The following SIPA1L1 variants were observed in gnomAD, a reference collection of about 807,000 sequenced individuals.
The protein encoded by SIPA1L1 is signal induced proliferation associated 1 like 1.
A neutral mutation model predicts 162.7 loss-of-function variants in SIPA1L1; 26 were observed. The ratio of observed to expected loss-of-function variants is 0.16; its 90% CI spans 0.12 to 0.22. SIPA1L1 has a LOEUF of 0.22. SIPA1L1 is among the 10% of genes least tolerant of loss of function. The pLI, the probability that SIPA1L1 is intolerant of heterozygous loss-of-function variation, is 1.00. For missense variants in SIPA1L1, 1,874 were observed against 2,241.0 expected (o/e 0.84, Z 3.31); for synonymous variants, 829 against 837.4 (o/e 0.99, Z 0.17).
intron 10 of SIPA1L1, among the ~76,000 whole-genome samples, 157 bp from the exon 11 acceptor site, chr14:71,670,962 T>C (rs145269672): frequency 2.0e-4 from 30 of 152,302 alleles, no homozygotes; most frequent in African/African-American, 7.0e-4. Flanking sequence ...TGAAAAAATA[T>C]ACTCGTATTA....
chr14:71,712,589 C>G (rs1293480917), intron 17 of SIPA1L1, among the ~76,000 whole-genome samples: 2 of 151,992 alleles, frequency 1.3e-5, no homozygotes, highest in East Asian at 3.9e-4. Context: ...TAAGGACATT[C>G]TTAAATTTAA....
intron 2 of SIPA1L1, among the ~76,000 whole-genome samples, chr14:71,478,424 C>T (rs2048058052): frequency 6.6e-6 from 1 of 151,782 alleles, no homozygotes; most frequent in Non-Finnish European, 1.5e-5. Context: ...GGGTGATTTC[C>T]AAGAACTCTT....
chr14:71,322,703 G>C (rs2033218315), intron 2 of SIPA1L1, among the ~76,000 whole-genome samples: 1 of 152,214 alleles, frequency 6.6e-6, no homozygotes, highest in Admixed American at 6.5e-5. Flanking sequence ...AGATTTGGGG[G>C]ATGAATGGCT....
At chr14:71,428,261 T>C (rs1226447071) in intron 2 of SIPA1L1, among the ~76,000 whole-genome samples, 1 of 152,064 alleles carries the variant, frequency 6.6e-6, no homozygotes, top group East Asian at 1.9e-4. Context: ...CCTCCCAAAA[T>C]GCTGGGATTA....
At chr14:71,439,206 A>G (rs979980061) in intron 2 of SIPA1L1, among the ~76,000 whole-genome samples, 9 of 152,142 alleles carry the variant, frequency 5.9e-5, no homozygotes, top group African/African-American at 9.7e-5. Flanking sequence ...TTGAACTCAA[A>G]ATTAAACCCA....
chr14:71,467,658 G>C (rs576013727), intron 2 of SIPA1L1, among the ~76,000 whole-genome samples: 2 of 152,098 alleles, frequency 1.3e-5, no homozygotes, highest in African/African-American at 4.8e-5. Flanking sequence ...AGTATAATGA[G>C]TCATTTTGAG....
Position 71,733,770 on chromosome 14 carries a change from T to A in SIPA1L1, c.4966T>A (p.Leu1656Met). The part of the protein sequence containing the change: ...LMPLPDTAAD[L>M]DWSNLVDAAK... ...GCCCCTGCCTGACACTGCTGCAGAC[T>A]TGGATTGGTCCAACCTGGTAGATGC... The change falls in exon 21 of 24, where the codon TTG (leucine) becomes ATG (methionine). Residue 1656 changes from leucine (L) to methionine (M), a missense_variant. Leu to Met is a conservative substitution (Grantham distance 15). Around this residue, in one of 5 missense-constraint regions of SIPA1L1, gnomAD observed 936 missense variants for 1,051.9 expected, o/e 0.89. Transcript: ENST00000381232. 6.2e-7 allele frequency: 1 copy of A among 1,613,368 alleles called. No individual in the cohort carries two copies. Among genetic ancestry groups the A allele is most frequent in the Non-Finnish European group, 8.5e-7 (1 of 1,180,018 alleles).
chr14:71,403,675 T>G (rs1245384253), intron 2 of SIPA1L1, among the ~76,000 whole-genome samples: 2 of 152,166 alleles, frequency 1.3e-5, no homozygotes, highest in African/African-American at 4.8e-5. Context: ...GCTATCCTTT[T>G]TATCAATTTA....
intron 2 of SIPA1L1, among the ~76,000 whole-genome samples, chr14:71,430,090 G>A (rs1422041975): frequency 6.6e-6 from 1 of 152,240 alleles, no homozygotes; most frequent in South Asian, 2.1e-4. Context: ...GGGATGTGTT[G>A]TATATTCAGC....
chr14:71,572,478 G>C (rs2032261800), intron 4 of SIPA1L1, among the ~76,000 whole-genome samples: 1 of 152,188 alleles, frequency 6.6e-6, no homozygotes, highest in Non-Finnish European at 1.5e-5. Flanking sequence ...GTCCATCCAG[G>C]TGAGGGAGTG....
intron 4 of SIPA1L1, among the ~76,000 whole-genome samples, chr14:71,558,989 G>A (rs1377760318): frequency 1.3e-5 from 2 of 152,060 alleles, no homozygotes; most frequent in African/African-American, 4.8e-5. Context: ...TGGCCTTGCC[G>A]AAGCATTTTG....
chr14:71,490,268 T>C (rs1184459632), intron 2 of SIPA1L1, among the ~76,000 whole-genome samples: 4 of 152,338 alleles, frequency 2.6e-5, no homozygotes, highest in Middle Eastern at 6.8e-3. Flanking sequence ...AGCATTTATT[T>C]TGATGTAGGA....
At chr14:71,464,893 T>C (rs2046877887) in intron 2 of SIPA1L1, among the ~76,000 whole-genome samples, 1 of 152,138 alleles carries the variant, frequency 6.6e-6, no homozygotes, top group Non-Finnish European at 1.5e-5. Flanking sequence ...GCCGGGACTT[T>C]AGTTATAGGT....
chr14:71,433,605 C>G (rs1162422562), intron 2 of SIPA1L1, among the ~76,000 whole-genome samples: 2 of 152,208 alleles, frequency 1.3e-5, no homozygotes, highest in African/African-American at 2.4e-5. Flanking sequence ...GCGTAAGCCA[C>G]TGCACCTAGT....
At chr14:71,707,537 A>G (rs548026105) in intron 16 of SIPA1L1, among the ~76,000 whole-genome samples, 33 of 152,294 alleles carry the variant, frequency 2.2e-4, no homozygotes, top group African/African-American at 6.0e-4. Flanking sequence ...TGGACATTTC[A>G]TACAAATGAA....
chr14:71,640,566 A>T (rs1324329912), intron 7 of SIPA1L1, among the ~76,000 whole-genome samples: 1 of 152,230 alleles, frequency 6.6e-6, no homozygotes, highest in Non-Finnish European at 1.5e-5. Flanking sequence ...GGAGGTTACA[A>T]ATTGAATTCA....
intron 2 of SIPA1L1, among the ~76,000 whole-genome samples, chr14:71,440,067 G>A (rs973708781): frequency 3.8e-4 from 58 of 152,158 alleles, no homozygotes; most frequent in Non-Finnish European, 7.4e-5. Context: ...GTCTTACTGT[G>A]TTGCCTAAGC....
chr14:71,677,556 T>A (rs552798644), intron 12 of SIPA1L1, among the ~76,000 whole-genome samples: 27 of 152,364 alleles, frequency 1.8e-4, no homozygotes, highest in South Asian at 4.1e-4. Flanking sequence ...CCCTTGCGTA[T>A]GTCCTGAATG....
chr14:71,433,596 C>CGTAA (rs374072971), intron 2 of SIPA1L1, among the ~76,000 whole-genome samples: 1 of 152,162 alleles, frequency 6.6e-6, no homozygotes, highest in African/African-American at 2.4e-5. Flanking sequence ...GGATTACAGG[C>CGTAA]GTAAGCCACT....
Sources: allele counts gnomAD v4.1 joint callset (sites outside exome capture counted in the v4.1 genomes callset), GRCh38; gene constraint gnomAD v4.1.1; regional missense constraint gnomAD v4.1.1; transcripts MANE v1.5; gene names NCBI Gene and HGNC (gene_info 2026-07-23, HGNC 2026-07-21).